RRP1B: variants seen among roughly 807,000 people sequenced by gnomAD.
RRP1B encodes the protein ribosomal RNA processing protein 1 homolog B.
A neutral mutation model predicts 80.2 loss-of-function variants in RRP1B; 56 were observed. That is an observed-to-expected ratio of 0.70 (90% confidence interval 0.56 to 0.87). RRP1B has a LOEUF of 0.87. Ranked by LOEUF, RRP1B falls within the 40% of genes least tolerant of loss-of-function variation. The probability of loss-of-function intolerance (pLI) is 0.00; values close to 1 mark genes in which losing one functional copy is unlikely to be tolerated. For missense variants in RRP1B, 807 were observed against 939.8 expected (o/e 0.86, Z 1.85); for synonymous variants, 351 against 357.6 (o/e 0.98, Z 0.21).
intron 6 of RRP1B, 73 bp from the exon 7 acceptor site, chr21:43,676,199 A>C: frequency 9.3e-7 from 1 of 1,070,056 alleles, no homozygotes; most frequent in Non-Finnish European, 1.4e-6. Flanking sequence ...AAAGATGGGA[A>C]TGGTCCCTTT....
At chr21:43,675,879 ATTTTATT>A (rs1424175934) in intron 6 of RRP1B, among the ~76,000 whole-genome samples, 1 of 150,284 alleles carries the variant, frequency 6.7e-6, no homozygotes, top group Non-Finnish European at 1.5e-5. Context: ...ATTTTATTTT[ATTTTATT>A]TTATTTTATT....
At position 43,690,288 on chromosome 21, in the gene RRP1B, G is replaced by A. The variant is rs760742850; in HGVS notation, c.1867G>A (p.Gly623Arg). 1 of 1,614,170 alleles carries A rather than the reference G, an allele frequency of 6.2e-7. No individual in the cohort carries two copies. Among genetic ancestry groups the A allele is most frequent in the Non-Finnish European group, 8.5e-7 (1 of 1,180,008 alleles). Residue 623 changes from glycine to arginine, a missense_variant and splice_region_variant, in exon 14 of 16, where the codon GGA becomes AGA. Physicochemically the swap from Gly to Arg is moderately radical, Grantham distance 125. Transcript: ENST00000340648. ...CGCTTCTCACCCCTCGCTCACGTAG[G>A]GAAGCAGTGGGACTTGCAGTTCCCT... ...ESEAGQPQAL[G>R]SSGTCSSLKK...
Position 43,687,989 on chromosome 21 carries a change from A to T in RRP1B, c.1615A>T (p.Thr539Ser), listed in dbSNP as rs534375041. ...GCCCGTCAATGGCAGTGGCCTGTCC[A>T]CGCCGGCCTGGCCTCCATTGCAGCA... ...VVPVNGSGLS[T>S]PAWPPLQQEG... Residue 539 changes from threonine (T) to serine (S), a missense_variant, in exon 13 of 16, where the codon ACG (threonine) becomes TCG (serine). Physicochemically the swap from Thr to Ser is moderately conservative, Grantham distance 58. Coordinates refer to ENST00000340648, the MANE Select transcript of RRP1B (RefSeq NM_015056.3). 6.2e-7 allele frequency: 1 copy of T among 1,612,956 alleles called. No homozygotes were observed. The highest frequency in any genetic ancestry group is 2.2e-5 in the East Asian group (1 of 44,878).
At chr21:43,665,012 C>T (rs2082973083) in intron 1 of RRP1B, among the ~76,000 whole-genome samples, 1 of 152,194 alleles carries the variant, frequency 6.6e-6, no homozygotes, top group South Asian at 2.1e-4. Flanking sequence ...CCATATTACT[C>T]ACCCAGCCCA....
chr21:43,673,896 C>G lies in RRP1B; in HGVS notation c.298C>G (p.Gln100Glu). 1 of 1,613,518 alleles carries G rather than the reference C, an allele frequency of 6.2e-7. No homozygotes were observed. Among genetic ancestry groups the G allele is most frequent in the Non-Finnish European group, 8.5e-7 (1 of 1,179,650 alleles). ...ACACCTGTTCATTCAGACCTTTTGG[C>G]AAACCATGAATCGAGAATGGAAAGG... ...AQHLFIQTFW[Q>E]TMNREWKGID... Residue 100 changes from glutamine to glutamate, a missense_variant, in exon 4 of 16, where the codon CAA (glutamine) becomes GAA (glutamate). Transcript: ENST00000340648.
At chr21:43,676,406 A>G (rs1463157610) in intron 7 of RRP1B, 70 bp downstream of exon 7, 11 of 1,196,884 alleles carry the variant, frequency 9.2e-6, no homozygotes, top group Non-Finnish European at 1.4e-5. Flanking sequence ...GCCGTCGTGC[A>G]GCCTGGCACA....
intron 1 of RRP1B, among the ~76,000 whole-genome samples, chr21:43,669,489 C>T (rs2082991024): frequency 6.6e-6 from 1 of 152,102 alleles, no homozygotes; most frequent in African/African-American, 2.4e-5. Context: ...AGCAGGTCCC[C>T]CGCATCTCTT....
chr21:43,664,906 C>G (rs2082972557), intron 1 of RRP1B, among the ~76,000 whole-genome samples: 1 of 151,670 alleles, frequency 6.6e-6, no homozygotes, highest in Non-Finnish European at 1.5e-5. Flanking sequence ...ATGAGAAAAA[C>G]CCGTCCCCGT....
At chr21:43,663,726 T>G (rs1212871745) in intron 1 of RRP1B, among the ~76,000 whole-genome samples, 1 of 151,698 alleles carries the variant, frequency 6.6e-6, no homozygotes, top group African/African-American at 2.4e-5. Context: ...CCCAGCTAAT[T>G]TTTGTATTTT....
At chr21:43,692,466 G>GC (rs2083090689) in intron 15 of RRP1B, among the ~76,000 whole-genome samples, 1 of 152,058 alleles carries the variant, frequency 6.6e-6, no homozygotes, top group South Asian at 2.1e-4. Flanking sequence ...GGGCGTAGTG[G>GC]CAAGCACCTG....
In RRP1B at chr21:43,694,696, A is replaced by G. The variant is rs2083100694; in HGVS notation, c.*1313A>G. On this transcript the variant is annotated 3_prime_UTR_variant, in exon 16 of 16. Coordinates refer to ENST00000340648, the MANE Select transcript of RRP1B (RefSeq NM_015056.3). ...CTCCTTCCCGTTATGCCCCCCATACAGGAGCCTCGGTTTTTCAGCAAAACG... is the reference window on the plus strand; with the variant it reads ...CTCCTTCCCGTTATGCCCCCCATACGGGAGCCTCGGTTTTTCAGCAAAACG... 1.3e-5 allele frequency: 2 copies of G among 152,306 alleles called. No individual in the cohort carries two copies. Among genetic ancestry groups the G allele is most frequent in the African/African-American group, 4.8e-5 (2 of 41,468 alleles). The allele number at this position is 152,306 out of a possible 1,614,324, so 9.4% of individuals were successfully genotyped here. A position where few individuals can be genotyped will look rare whatever the true frequency, so the allele number is the denominator to read the frequency against.
At chr21:43,672,431 G>C (rs938583642) in intron 3 of RRP1B, 66 bp downstream of exon 3, 1 of 1,359,266 alleles carries the variant, frequency 7.4e-7, no homozygotes, top group Middle Eastern at 1.8e-4. Context: ...TGGGAACCTT[G>C]TGCCGGTATT....
chr21:43,668,376 TAAGAGACGGA>T, intron 1 of RRP1B, among the ~76,000 whole-genome samples: 1 of 150,262 alleles, frequency 6.7e-6, no homozygotes, highest in Non-Finnish European at 1.5e-5. Flanking sequence ...TTTTTTTTTT[TAAGAGACGGA>T]CTCTCGCTCT....
At chr21:43,663,845 A>T (rs1247918533) in intron 1 of RRP1B, among the ~76,000 whole-genome samples, 1 of 152,216 alleles carries the variant, frequency 6.6e-6, no homozygotes, top group Non-Finnish European at 1.5e-5. Context: ...TACAGAAGTG[A>T]GCCACTGTAC....
chr21:43,679,461 T>C (rs1017668450), intron 8 of RRP1B, among the ~76,000 whole-genome samples: 1 of 152,014 alleles, frequency 6.6e-6, no homozygotes, highest in Non-Finnish European at 1.5e-5. Flanking sequence ...TTAGTAGAGA[T>C]GGGGTTTCAC....
At chr21:43,669,846 C>A in intron 1 of RRP1B, 38 bp from the exon 2 acceptor site, 1 of 1,420,984 alleles carries the variant, frequency 7.0e-7, no homozygotes, top group Non-Finnish European at 9.9e-7. Flanking sequence ...AAAAGAGATG[C>A]ATAGACTCTA....
At chr21:43,663,544 A>G (rs9983670) in intron 1 of RRP1B, among the ~76,000 whole-genome samples, 104,377 of 151,570 alleles carry the variant, frequency 0.69, 36,438 homozygotes, top group East Asian at 0.82. Context: ...TGTGAGCCAC[A>G]CCGTGCCCAG....
chr21:43,663,317 G>GTGCAACAGCGCGATCTCTGCTAAC (rs1359711738), intron 1 of RRP1B, among the ~76,000 whole-genome samples: 17 of 152,224 alleles, frequency 1.1e-4, no homozygotes, highest in Non-Finnish European at 2.4e-4. Flanking sequence ...CCAGGCTGAA[G>GTGCAACAGCGCGATCTCTGCTAAC]TGCAACAGCG....
At chr21:43,679,332 G>A (rs1158651378) in intron 8 of RRP1B, among the ~76,000 whole-genome samples, 2 of 151,676 alleles carry the variant, frequency 1.3e-5, no homozygotes, top group Admixed American at 6.6e-5. Context: ...GCAATAGTGC[G>A]ATCTCAGCTC....
Sources: gnomAD v4.1 joint callset for allele counts (sites outside exome capture counted in the v4.1 genomes callset) on GRCh38, gnomAD v4.1.1 for gene constraint, MANE v1.5 for transcripts, NCBI Gene and HGNC (gene_info 2026-07-23, HGNC 2026-07-21) for gene names.